CFAP54: variants seen among roughly 807,000 people sequenced by gnomAD.
CFAP54 encodes the protein cilia and flagella associated protein 54.
Under a neutral mutation model 370.4 loss-of-function variants are expected in CFAP54, and 290 were observed. The ratio of observed to expected loss-of-function variants is 0.78; its 90% confidence interval spans 0.71 to 0.86. The LOEUF is 0.86. CFAP54 is among the 40% of genes least tolerant of loss of function. CFAP54 has a pLI of 0.00. For missense variants in CFAP54, 3,399 were observed against 3,528.7 expected (o/e 0.96, Z 0.93); for synonymous variants, 1,206 against 1,236.5 (o/e 0.98, Z 0.52).
At chr12:96,869,210 T>TA (rs1362451220) in intron 67 of CFAP54, among the ~76,000 whole-genome samples, 2 of 152,232 alleles carry the variant, frequency 1.3e-5, no homozygotes, top group Admixed American at 1.3e-4. Flanking sequence ...AACAGTTTAA[T>TA]TTTTGTTCGA....
intron 26 of CFAP54, among the ~76,000 whole-genome samples, chr12:96,606,928 T>C (rs958038649): frequency 8.5e-5 from 13 of 152,236 alleles, no homozygotes; most frequent in Admixed American, 3.9e-4. Context: ...GTGGTTCTCA[T>C]AGGACCTTTG....
intron 50 of CFAP54, among the ~76,000 whole-genome samples, chr12:96,728,677 C>T (rs549341489): frequency 1.8e-4 from 28 of 152,308 alleles, no homozygotes; most frequent in Non-Finnish European, 2.6e-4. Context: ...TCTCTCAACT[C>T]GTCAAAGTCA....
chr12:96,775,658 C>T (rs1264112199), intron 60 of CFAP54, among the ~76,000 whole-genome samples: 1 of 152,130 alleles, frequency 6.6e-6, no homozygotes, highest in African/African-American at 2.4e-5. Context: ...CATAATTGTT[C>T]CTCCTCTTAT....
intron 66 of CFAP54, among the ~76,000 whole-genome samples, chr12:96,856,678 A>G (rs1244398240): frequency 6.6e-6 from 1 of 152,196 alleles, no homozygotes; most frequent in African/African-American, 2.4e-5. Context: ...GTCTCTAGGA[A>G]CTTCCAAACT....
At chr12:96,644,124 A>G in intron 32 of CFAP54, 54 bp from the exon 33 acceptor site, 7 of 1,173,850 alleles carry the variant, frequency 6.0e-6, no homozygotes, top group Non-Finnish European at 8.3e-6. Flanking sequence ...ATTCTTCTTT[A>G]TTAAATATCT....
chr12:96,685,823 A>T (rs550719983), intron 42 of CFAP54, among the ~76,000 whole-genome samples: 6 of 152,266 alleles, frequency 3.9e-5, no homozygotes, highest in Non-Finnish European at 8.8e-5. Flanking sequence ...AAGTGCTGGG[A>T]TTACAGGCAT....
chr12:96,549,545 T>C (rs866413036), intron 15 of CFAP54, among the ~76,000 whole-genome samples: 1 of 152,184 alleles, frequency 6.6e-6, no homozygotes, highest in Non-Finnish European at 1.5e-5. Flanking sequence ...GTACTGGGCA[T>C]ATGGTAGACA....
intron 12 of CFAP54, among the ~76,000 whole-genome samples, chr12:96,537,006 T>TTCAAG (rs146750922): frequency 0.017 from 2,596 of 152,106 alleles, 66 homozygotes; most frequent in African/African-American, 0.06. Flanking sequence ...TTCAATTCAA[T>TTCAAG]TCAATTCAAT....
At chr12:96,772,549 A>C (rs372900624) in intron 60 of CFAP54, among the ~76,000 whole-genome samples, 7 of 151,498 alleles carry the variant, frequency 4.6e-5, no homozygotes, top group East Asian at 1.9e-4. Flanking sequence ...ACCCAGGATA[A>C]TCTCCTTATC....
chr12:96,749,909 A>G (rs1240084162), intron 55 of CFAP54, among the ~76,000 whole-genome samples: 1 of 152,178 alleles, frequency 6.6e-6, no homozygotes, highest in Non-Finnish European at 1.5e-5. Context: ...AGTAGTGGCC[A>G]TGCTGCAAGT....
chr12:96,512,873 T>G, intron 4 of CFAP54, 113 bp from the exon 5 acceptor site: 2 of 519,108 alleles, frequency 3.9e-6, no homozygotes, highest in Non-Finnish European at 6.4e-6. Context: ...ATTATCAGAC[T>G]TCCTCATAAG....
At chr12:96,678,631 G>A (rs1182634560) in intron 39 of CFAP54, among the ~76,000 whole-genome samples, 1 of 152,036 alleles carries the variant, frequency 6.6e-6, no homozygotes, top group South Asian at 2.1e-4. Flanking sequence ...ATCCTCGAAG[G>A]CACAGCTGGC....
At chr12:96,673,510 A>C (rs938003472) in intron 39 of CFAP54, among the ~76,000 whole-genome samples, 6 of 152,222 alleles carry the variant, frequency 3.9e-5, no homozygotes, top group Non-Finnish European at 8.8e-5. Context: ...GTTAGCATCC[A>C]ACTTGTAGCT....
chr12:96,810,185 C>T (rs1281116004), intron 63 of CFAP54, among the ~76,000 whole-genome samples: 2 of 152,040 alleles, frequency 1.3e-5, no homozygotes, highest in Admixed American at 6.6e-5. Context: ...CTGAGCTTCT[C>T]GGTGTTCTCA....
rs142259910 is a variant in CFAP54 at position 96,703,588 on chromosome 12, C to A, written c.6475-1155C>A. ...GATGCATCCTACTAGATACATCAGT[C>A]TCCTGTGGCAAATAAACTAAATGTT... is the stretch of plus-strand genomic sequence containing the variant. On this transcript the variant is annotated intron_variant, in intron 46 of 67. Transcript: ENST00000524981. Among the ~76,000 whole-genome samples the A allele has an allele frequency of 2.2e-4, 33 of 152,096 alleles. No homozygotes were observed. In the East Asian group the frequency reaches 3.9e-3, roughly 18 times the overall value.
intron 67 of CFAP54, among the ~76,000 whole-genome samples, chr12:96,864,452 G>A (rs1038957864): frequency 8.5e-5 from 13 of 152,258 alleles, no homozygotes; most frequent in African/African-American, 3.1e-4. Flanking sequence ...TTCACTTCAC[G>A]CATAGGCACT....
At position 96,743,385 on chromosome 12, in the gene CFAP54, G is replaced by C. The variant is rs375587317; in HGVS notation, c.7220-17G>C. 2 of 1,608,778 alleles carry C rather than the reference G, an allele frequency of 1.2e-6. No individual in the cohort carries two copies. The highest frequency in any genetic ancestry group is 1.7e-6 in the Non-Finnish European group (2 of 1,177,294). ...CTTTCTCAATGCATTTTAAATAACC[G>C]CATTTGTTTATTTTAGAGGATGATA... On this transcript the variant is annotated splice_polypyrimidine_tract_variant and intron_variant, in intron 52 of 67. Coordinates refer to ENST00000524981, the MANE Select transcript of CFAP54 (RefSeq NM_001306084.2).
chr12:96,621,875 GTTTTTT>G (rs71068819), intron 27 of CFAP54, among the ~76,000 whole-genome samples, 154 bp downstream of exon 27: 726 of 50,030 alleles, frequency 0.015, 1 homozygote, highest in African/African-American at 0.047. Context: ...TTTTGGGTTT[GTTTTTT>G]TTTTTTTTTT....
At chr12:96,603,055 T>C (rs1173144938) in intron 26 of CFAP54, among the ~76,000 whole-genome samples, 1 of 152,204 alleles carries the variant, frequency 6.6e-6, no homozygotes, top group Admixed American at 6.5e-5. Flanking sequence ...ATAGTGTCAA[T>C]GGTCTTTACA....
Sources: allele counts gnomAD v4.1 joint callset (sites outside exome capture counted in the v4.1 genomes callset), GRCh38; gene constraint gnomAD v4.1.1; transcripts MANE v1.5; gene names NCBI Gene and HGNC (gene_info 2026-07-23, HGNC 2026-07-21).